Variants in ANK3 observed in about 807,000 individuals in gnomAD.
ANK3 encodes ankyrin 3.
In ANK3, 57 loss-of-function variants were observed where a neutral mutation model predicts 370.9. The ratio of observed to expected loss-of-function variants is 0.15; its 90% CI spans 0.12 to 0.19. ANK3 has a LOEUF of 0.19. Among genes scored for constraint, ANK3 ranks in the 10% least tolerant of loss-of-function variants. The pLI is 1.00. For missense variants in ANK3, 4,439 were observed against 5,302.1 expected (o/e 0.84, Z 5.06); for synonymous variants, 1,929 against 1,946.3 (o/e 0.99, Z 0.23).
intron 1 of ANK3, among the ~76,000 whole-genome samples, chr10:60,678,545 T>C (rs1356443392): frequency 6.6e-6 from 1 of 152,178 alleles, no homozygotes; most frequent in African/African-American, 2.4e-5. Flanking sequence ...AATATTTAAT[T>C]TATAAAATGC....
intron 7 of ANK3, among the ~76,000 whole-genome samples, chr10:60,244,891 C>T (rs182811462): frequency 7.2e-5 from 11 of 152,242 alleles, no homozygotes; most frequent in South Asian, 2.1e-4. Context: ...GGTTTTGGGC[C>T]GGGCGCGGTG....
At chr10:60,656,485 T>C (rs997444394) in intron 1 of ANK3, among the ~76,000 whole-genome samples, 1 of 152,122 alleles carries the variant, frequency 6.6e-6, no homozygotes, top group African/African-American at 2.4e-5. Context: ...CCCTCTATGG[T>C]TTGTCTTTTT....
intron 1 of ANK3, among the ~76,000 whole-genome samples, chr10:60,369,158 GA>G (rs2059786975): frequency 6.6e-6 from 1 of 152,096 alleles, no homozygotes; most frequent in Non-Finnish European, 1.5e-5. Flanking sequence ...GTTCCTTTCA[GA>G]ATTTTCTGGA....
chr10:60,571,945 C>T (rs1010557382), intron 2 of ANK3, among the ~76,000 whole-genome samples: 2 of 151,950 alleles, frequency 1.3e-5, no homozygotes, highest in African/African-American at 4.8e-5. Context: ...ACTGCAGGGT[C>T]GAATGCAAAC....
chr10:60,629,771 A>G (rs190205721), intron 1 of ANK3, among the ~76,000 whole-genome samples: 1 of 152,294 alleles, frequency 6.6e-6, no homozygotes, highest in East Asian at 1.9e-4. Flanking sequence ...TCTGGTATTT[A>G]AAGAATCTAC....
chr10:60,109,374 T>C (rs544136114), intron 26 of ANK3, among the ~76,000 whole-genome samples: 3 of 152,192 alleles, frequency 2.0e-5, no homozygotes, highest in Admixed American at 6.5e-5. Context: ...AGGATTCTCA[T>C]GCATTTAAAA....
intron 2 of ANK3, among the ~76,000 whole-genome samples, chr10:60,603,731 T>C (rs2078095186): frequency 6.6e-6 from 1 of 152,128 alleles, no homozygotes; most frequent in East Asian, 1.9e-4. Context: ...CAGACTGCAA[T>C]TTTGCCAGAT....
rs543265802 is a variant in ANK3, at chr10:60,502,538, G to A, written c.96+112648C>T. On this transcript the variant is annotated intron_variant, in intron 2 of 43. Transcript: ENST00000373827. ...CTGGCATTAAAGAAAGCTCTTGTCGGGCATGATGGCAGATGCCTATAGTCC... is the reference window on the plus strand; with the variant it reads ...CTGGCATTAAAGAAAGCTCTTGTCGAGCATGATGGCAGATGCCTATAGTCC... Among the ~76,000 whole-genome samples, 17 of 152,214 alleles carry A rather than the reference G, an allele frequency of 1.1e-4. No individual in the cohort carries two copies. In the East Asian group the frequency reaches 3.1e-3, roughly 28 times the overall value.
chr10:60,691,804 G>A (rs139239190), intron 1 of ANK3, among the ~76,000 whole-genome samples: 143 of 152,270 alleles, frequency 9.4e-4, no homozygotes, highest in African/African-American at 3.2e-3. Context: ...CAAGAGCTGA[G>A]CTGAGGTTTT....
At chr10:60,654,999 G>A (rs2078843986) in intron 1 of ANK3, among the ~76,000 whole-genome samples, 1 of 152,096 alleles carries the variant, frequency 6.6e-6, no homozygotes, top group African/African-American at 2.4e-5. Context: ...TAACAGCATA[G>A]TGCAACACCT....
chr10:60,420,435 AG>A (rs2063754864), intron 2 of ANK3, among the ~76,000 whole-genome samples: 1 of 152,090 alleles, frequency 6.6e-6, no homozygotes, highest in Non-Finnish European at 1.5e-5. Flanking sequence ...GCATCAGAAG[AG>A]AGAGAATGAC....
intron 1 of ANK3, among the ~76,000 whole-genome samples, chr10:60,722,101 C>T (rs550341814): frequency 6.6e-6 from 1 of 152,138 alleles, no homozygotes; most frequent in Admixed American, 6.5e-5. Context: ...AAGTGGACAT[C>T]CGCACCAACC....
chr10:60,459,633 G>T (rs1323577173), intron 2 of ANK3, among the ~76,000 whole-genome samples: 1 of 151,976 alleles, frequency 6.6e-6, no homozygotes, highest in Non-Finnish European at 1.5e-5. Context: ...AATTAATGAT[G>T]CCTGCTGGAT....
At chr10:60,500,863 T>C (rs1479327362) in intron 2 of ANK3, among the ~76,000 whole-genome samples, 2 of 152,170 alleles carry the variant, frequency 1.3e-5, no homozygotes, top group Non-Finnish European at 2.9e-5. Flanking sequence ...GTCACATACA[T>C]ACATAATATC....
chr10:60,407,357 TA>T (rs1482057999), intron 2 of ANK3, among the ~76,000 whole-genome samples: 12 of 152,216 alleles, frequency 7.9e-5, no homozygotes, highest in Non-Finnish European at 1.8e-4. Context: ...TAGCGATAAT[TA>T]TAATTTATTC....
intron 1 of ANK3, among the ~76,000 whole-genome samples, chr10:60,360,471 G>A (rs962106441): frequency 6.6e-6 from 1 of 152,182 alleles, no homozygotes; most frequent in African/African-American, 2.4e-5. Context: ...CACTTTGAGA[G>A]GCTGAGGCAA....
At chr10:60,333,649 T>C (rs1015809534) in intron 1 of ANK3, among the ~76,000 whole-genome samples, 1 of 152,226 alleles carries the variant, frequency 6.6e-6, no homozygotes. Context: ...TATAGTCCTT[T>C]GGGTATACAC....
intron 4 of ANK3, among the ~76,000 whole-genome samples, chr10:60,276,629 T>C (rs575458387): frequency 2.0e-5 from 3 of 152,338 alleles, no homozygotes; most frequent in Non-Finnish European, 2.9e-5. Context: ...TGCGTATAAA[T>C]TGAAATTAGA....
chr10:60,356,251 A>T (rs2132716403), intron 1 of ANK3, among the ~76,000 whole-genome samples: 1 of 152,324 alleles, frequency 6.6e-6, no homozygotes, highest in East Asian at 1.9e-4. Context: ...TTTTCACAGG[A>T]AATTTGAGTT....
Sources: gnomAD v4.1 joint callset for allele counts (sites outside exome capture counted in the v4.1 genomes callset) on GRCh38, gnomAD v4.1.1 for gene constraint, MANE v1.5 for transcripts, NCBI Gene and HGNC (gene_info 2026-07-23, HGNC 2026-07-21) for gene names.